Variants in RAB40B observed in about 807,000 individuals in gnomAD.
The protein encoded by RAB40B is RAB40B, member RAS oncogene family, also known as ras-related protein Rab-40B.
In RAB40B, 21 loss-of-function variants were observed where a neutral mutation model predicts 24.0. That is an observed-to-expected ratio of 0.88 (90% CI 0.62 to 1.26). The LOEUF is 1.26. RAB40B is among the 50% of genes most tolerant of loss of function. The pLI is 0.00. For missense variants in RAB40B, 348 were observed against 390.5 expected, an observed-to-expected ratio of 0.89 and a Z score of 0.92; for synonymous variants, 167 against 169.8, an observed-to-expected ratio of 0.98 and a Z score of 0.13.
intron 1 of RAB40B, among the ~76,000 whole-genome samples, chr17:82,685,711 T>C (rs2046492714): frequency 6.6e-6 from 1 of 152,196 alleles, no homozygotes; most frequent in Admixed American, 6.5e-5. Context: ...TTTCACCATC[T>C]ATCTATACTG....
In RAB40B at chr17:82,655,459, AAAAG is replaced by A. The variant is rs1181329408; in HGVS notation, c.*2400_*2403del. 2 of 152,262 alleles carry A rather than the reference AAAAG, an allele frequency of 1.3e-5. No individual in the cohort carries two copies. Among genetic ancestry groups the A allele is most frequent in the African/African-American group, 2.4e-5 (1 of 41,458 alleles). 9.4% of individuals were successfully genotyped at this position (152,262 alleles called of 1,614,324 possible). A position where few individuals can be genotyped will look rare whatever the true frequency, so the allele number is the denominator to read the frequency against. On this transcript the variant is annotated 3_prime_UTR_variant, in exon 6 of 6. Coordinates refer to ENST00000571995, the MANE Select transcript of RAB40B (RefSeq NM_006822.3). ...AGGAGACATCAATTACAAAACAAGAAAAAGGAAGGAAGAGAAAAATACAGGTTTG... is the reference window on the plus strand; with the variant it reads ...AGGAGACATCAATTACAAAACAAGAAGAAGGAAGAGAAAAATACAGGTTTG...
intron 1 of RAB40B, among the ~76,000 whole-genome samples, chr17:82,690,660 G>A (rs779145452): frequency 2.7e-5 from 4 of 150,260 alleles, no homozygotes; most frequent in Non-Finnish European, 4.4e-5. Context: ...CCGGGGAGCA[G>A]AGAGTGTGCA....
chr17:82,671,480 C>CAGTCACACACA (rs746141997), intron 1 of RAB40B, among the ~76,000 whole-genome samples: 1 of 112,170 alleles, frequency 8.9e-6, no homozygotes, highest in Admixed American at 9.2e-5. Context: ...CTAACACACA[C>CAGTCACACACA]TCACATGCTC....
At chr17:82,683,816 A>G (rs1304541448) in intron 1 of RAB40B, among the ~76,000 whole-genome samples, 3 of 151,788 alleles carry the variant, frequency 2.0e-5, no homozygotes, top group East Asian at 1.9e-4. Context: ...AAAAAAAAAA[A>G]AAAAAAAGAA....
intron 3 of RAB40B, among the ~76,000 whole-genome samples, chr17:82,660,262 TAAAC>T (rs1455204678): frequency 1.3e-5 from 2 of 149,192 alleles, no homozygotes; most frequent in African/African-American, 5.0e-5. Flanking sequence ...TGCATGCACA[TAAAC>T]AGGCAAGCAC....
chr17:82,692,532 G>A lies in RAB40B; in HGVS notation c.142+5923C>T, dbSNP rs574910271. ...CACAAGAGACAGGCGGGCCAACGGT[G>A]CAGACCCAGACCCACAGGCGGGCTC... On this transcript the variant is annotated intron_variant, in intron 1 of 5. Transcript: ENST00000571995. The surrounding 1 kb of genome is among the most constrained non-coding windows in gnomAD (Gnocchi z 4.0). Among the ~76,000 whole-genome samples, 1 of 151,998 alleles carries A rather than the reference G, an allele frequency of 6.6e-6. No individual in the cohort carries two copies. Among genetic ancestry groups the A allele is most frequent in the South Asian group, 2.1e-4 (1 of 4,806 alleles).
rs532558650 is a variant in RAB40B, at chr17:82,697,161, T to C, written c.142+1294A>G. Among the ~76,000 whole-genome samples the C allele has an allele frequency of 3.9e-5, 6 of 152,088 alleles. No homozygotes were observed. Among genetic ancestry groups the C allele is most frequent in the Non-Finnish European group, 7.4e-5 (5 of 67,996 alleles). On this transcript the variant is annotated intron_variant, in intron 1 of 5. Coordinates refer to ENST00000571995, the MANE Select transcript of RAB40B (RefSeq NM_006822.3). This position sits in a 1 kb window ranked among gnomAD's most constrained non-coding sequence, Gnocchi z 4.9. The stretch of plus-strand genomic sequence containing the variant: ...CCATCTCAGCTGCTCCCCCAAACTC[T>C]GCCCATTCCTCACCCCGTCCCCTAA...
intron 1 of RAB40B, among the ~76,000 whole-genome samples, chr17:82,679,256 CCTT>C (rs1361431449): frequency 3.3e-5 from 5 of 149,982 alleles, no homozygotes; most frequent in Admixed American, 6.6e-5. Flanking sequence ...ACACCACAAG[CCTT>C]ATTATTATTA....
chr17:82,693,766 C>T (rs986609674), intron 1 of RAB40B, among the ~76,000 whole-genome samples: 4 of 152,044 alleles, frequency 2.6e-5, no homozygotes, highest in Non-Finnish European at 5.9e-5. Context: ...TTTCACATAA[C>T]GGGGGCCAGA....
chr17:82,664,718 C>T, intron 1 of RAB40B, 162 bp from the exon 2 acceptor site: 1 of 668,290 alleles, frequency 1.5e-6, no homozygotes, highest in South Asian at 1.9e-5. Flanking sequence ...CTCACAGGGG[C>T]CCTGCCTGCG....
At chr17:82,668,201 CGCGTT>C (rs2046281852) in intron 1 of RAB40B, 1 of 154,548 alleles carries the variant, frequency 6.5e-6, no homozygotes. Context: ...TCCCGACGTC[CGCGTT>C]GCTCTGAGTC....
rs1055335018 is a variant in RAB40B, at chr17:82,692,520, C to T, written c.142+5935G>A. 6.6e-5 allele frequency among the ~76,000 whole-genome samples: 10 copies of T among 151,610 alleles called. No individual in the cohort carries two copies. Among genetic ancestry groups the T allele is most frequent in the South Asian group, 6.3e-4 (3 of 4,798 alleles). ...CCGGGGCACACACACAAGAGACAGGCGGGCCAACGGTGCAGACCCAGACCC... is the reference window on the plus strand; with the variant it reads ...CCGGGGCACACACACAAGAGACAGGTGGGCCAACGGTGCAGACCCAGACCC... On this transcript the variant is annotated intron_variant, in intron 1 of 5. Transcript: ENST00000571995. The surrounding 1 kb of genome is among the most constrained non-coding windows in gnomAD (Gnocchi z 4.0).
rs1276848110 is a variant in RAB40B, at chr17:82,692,358, G to A, written c.142+6097C>T. 2.0e-5 allele frequency among the ~76,000 whole-genome samples: 3 copies of A among 152,198 alleles called. No individual in the cohort carries two copies. Among genetic ancestry groups the A allele is most frequent in the Non-Finnish European group, 4.4e-5 (3 of 68,028 alleles). On this transcript the variant is annotated intron_variant, in intron 1 of 5. Coordinates refer to ENST00000571995, the MANE Select transcript of RAB40B (RefSeq NM_006822.3). This position sits in a 1 kb window ranked among gnomAD's most constrained non-coding sequence, Gnocchi z 4.0. ...AGACCGAGAGGAAGACAAACGCCCAGGAGGGAGAATCCAGGCCTCGCTGAC... is the reference window on the plus strand; with the variant it reads ...AGACCGAGAGGAAGACAAACGCCCAAGAGGGAGAATCCAGGCCTCGCTGAC...
rs1412867883 is a variant in RAB40B, at chr17:82,692,655, G to C, written c.142+5800C>G. 6.6e-6 allele frequency among the ~76,000 whole-genome samples: 1 copy of C among 152,236 alleles called. No individual in the cohort carries two copies. Among genetic ancestry groups the C allele is most frequent in the Non-Finnish European group, 1.5e-5 (1 of 68,044 alleles). Reference sequence around the variant, plus strand: ...GATCCCTGCCTCAGGCCTCACCCCAGCTGGAGGCAGCCATTCATGTCAAAG... The same window carrying C: ...GATCCCTGCCTCAGGCCTCACCCCACCTGGAGGCAGCCATTCATGTCAAAG... On this transcript the variant is annotated intron_variant, in intron 1 of 5. Coordinates refer to ENST00000571995, the MANE Select transcript of RAB40B (RefSeq NM_006822.3). The surrounding 1 kb of genome is among the most constrained non-coding windows in gnomAD (Gnocchi z 4.0).
chr17:82,664,553 A>G lies in RAB40B; in HGVS notation c.146T>C (p.Ile49Thr). Residue 49 changes from isoleucine (I) to threonine (T), a missense_variant, in exon 2 of 6, where the codon ATC (isoleucine) becomes ACC (threonine). This residue lies in a region of RAB40B where 101 missense variants were observed against 85.5 expected (regional missense o/e 1.18). Coordinates refer to ENST00000571995, the MANE Select transcript of RAB40B (RefSeq NM_006822.3). ...CAGGATGGTGGTCGTCTTGTAGTCG[A>G]TGCCTGCGGAAGGGTTAGAGACGGC... is the stretch of plus-strand genomic sequence containing the variant. ...AESPYGHPAGIDYKTTTILLD... is the reference protein window; with the variant it reads ...AESPYGHPAGTDYKTTTILLD... 1 of 1,613,578 alleles carries G rather than the reference A, an allele frequency of 6.2e-7. No homozygotes were observed. Among genetic ancestry groups the G allele is most frequent in the South Asian group, 1.1e-5 (1 of 91,088 alleles).
intron 1 of RAB40B, among the ~76,000 whole-genome samples, chr17:82,683,819 AAAAAGAAAAG>A (rs1157944751): frequency 1.4e-5 from 2 of 147,920 alleles, no homozygotes; most frequent in South Asian, 2.1e-4. Flanking sequence ...AAAAAAAAAA[AAAAAGAAAAG>A]AAAAGAAAAG....
In RAB40B at chr17:82,676,958, A is replaced by ATTTT. The variant is rs1555657978; in HGVS notation, c.143-12406_143-12403dup. Among the ~76,000 whole-genome samples, 28 of 137,160 alleles carry ATTTT rather than the reference A, an allele frequency of 2.0e-4. 1 individual carries two copies. Among genetic ancestry groups the ATTTT allele is most frequent in the African/African-American group, 3.0e-4 (11 of 36,180 alleles). 90.0% of individuals were successfully genotyped at this position (137,160 alleles called of 152,430 possible). A position where few individuals can be genotyped will look rare whatever the true frequency, so the allele number is the denominator to read the frequency against. ...TACTAATTTATTTATTTATTTATTT[A>ATTTT]TTTTTTCTGAGACGGAGTCTCACTC... On this transcript the variant is annotated intron_variant, in intron 1 of 5. Coordinates refer to ENST00000571995, the MANE Select transcript of RAB40B (RefSeq NM_006822.3).
intron 1 of RAB40B, among the ~76,000 whole-genome samples, chr17:82,669,578 G>A (rs973573137): frequency 6.6e-6 from 1 of 152,172 alleles, no homozygotes; most frequent in African/African-American, 2.4e-5. Context: ...TCTTGAACCC[G>A]GGAGTTGGAG....
chr17:82,676,124 G>A (rs1200457416), intron 1 of RAB40B, among the ~76,000 whole-genome samples: 4 of 152,106 alleles, frequency 2.6e-5, no homozygotes, highest in Non-Finnish European at 5.9e-5. Context: ...CGACCGCCTC[G>A]TGGGACGCAC....
Sources: allele counts gnomAD v4.1 joint callset (sites outside exome capture counted in the v4.1 genomes callset), GRCh38; gene constraint gnomAD v4.1.1; regional missense constraint gnomAD v4.1.1; non-coding constraint Gnocchi (gnomAD v3.1); transcripts MANE v1.5; gene names NCBI Gene and HGNC (gene_info 2026-07-23, HGNC 2026-07-21).